ABAT: variants seen among roughly 807,000 people sequenced by gnomAD.
ABAT encodes 4-aminobutyrate aminotransferase.
Under a neutral mutation model 64.6 loss-of-function variants are expected in ABAT, and 45 were observed. That is an observed-to-expected ratio of 0.70 (90% CI 0.55 to 0.89). The LOEUF (loss-of-function observed/expected upper bound fraction) is 0.89. Among genes scored for constraint, ABAT ranks in the 40% least tolerant of loss-of-function variants. The pLI, the probability that ABAT is intolerant of heterozygous loss-of-function variation, is 0.00. For synonymous variants in ABAT, 297 were observed against 250.5 expected (o/e 1.19, Z -1.75); for missense variants, 633 against 658.4 (o/e 0.96, Z 0.42).
At chr16:8,753,376 T>C (rs1441423265) in intron 5 of ABAT, among the ~76,000 whole-genome samples, 1 of 152,188 alleles carries the variant, frequency 6.6e-6, no homozygotes, top group Non-Finnish European at 1.5e-5. Flanking sequence ...AATACAGGCG[T>C]GAGCCACCGC....
chr16:8,769,658 G>A (rs773646012), intron 11 of ABAT, among the ~76,000 whole-genome samples: 1 of 150,832 alleles, frequency 6.6e-6, no homozygotes, highest in African/African-American at 2.4e-5. Flanking sequence ...CACTGGTTTT[G>A]TCTTCTCCTG....
intron 5 of ABAT, among the ~76,000 whole-genome samples, chr16:8,753,088 T>A (rs2059538508): frequency 6.7e-6 from 1 of 149,310 alleles, no homozygotes; most frequent in African/African-American, 2.4e-5. Flanking sequence ...CTCCCAAGCT[T>A]ATTCTTTTTT....
intron 6 of ABAT, among the ~76,000 whole-genome samples, chr16:8,762,278 A>G (rs1313390674): frequency 6.6e-6 from 1 of 152,258 alleles, no homozygotes; most frequent in Admixed American, 6.5e-5. Context: ...CACATAGCAC[A>G]GCAGGCCTGA....
chr16:8,769,549 A>T (rs2060042053), intron 11 of ABAT, among the ~76,000 whole-genome samples: 1 of 131,906 alleles, frequency 7.6e-6, no homozygotes, highest in African/African-American at 3.0e-5. Context: ...ACGGAGTGAG[A>T]CTCTGTCCAA....
rs141279192 is a variant in ABAT at position 8,766,228 on chromosome 16, G to C, written c.561G>C (p.Arg187Ser). 6.9e-5 allele frequency: 112 copies of C among 1,613,976 alleles called. No homozygotes were observed. Among genetic ancestry groups the C allele is most frequent in the Middle Eastern group, 1.6e-4 (1 of 6,084 alleles). ...MWYRSKERGQ[R>S]GFSQEELETC... The stretch of plus-strand genomic sequence containing the variant: ...TTCAGAGCAAGGAAAGAGGGCAGAG[G>C]GGCTTCTCCCAGGAGGAGCTGGAGA... Residue 187 changes from arginine to serine, a missense_variant, in exon 9 of 16, where the codon AGG (arginine) becomes AGC (serine). By Grantham distance (110) the Arg-to-Ser change is moderately radical. Transcript: ENST00000268251.
intron 8 of ABAT, 196 bp from the exon 9 acceptor site, chr16:8,766,012 G>A (rs1450709501): frequency 1.0e-5 from 6 of 587,454 alleles, no homozygotes; most frequent in Non-Finnish European, 1.9e-5. Context: ...AATGCATTAT[G>A]TGTGTTAGTT....
chr16:8,711,393 C>T (rs2058066020), intron 1 of ABAT, among the ~76,000 whole-genome samples: 1 of 152,018 alleles, frequency 6.6e-6, no homozygotes. Context: ...CCCAGAGCTA[C>T]CGTGGAAGTC....
intron 1 of ABAT, among the ~76,000 whole-genome samples, chr16:8,729,646 CCT>C (rs2058660944): frequency 6.6e-6 from 1 of 151,776 alleles, no homozygotes; most frequent in African/African-American, 2.4e-5. Flanking sequence ...CAGCGAGACC[CCT>C]GTCTCTAAAA....
chr16:8,743,140 A>G (rs2059214101), intron 2 of ABAT, among the ~76,000 whole-genome samples: 1 of 151,442 alleles, frequency 6.6e-6, no homozygotes, highest in African/African-American at 2.4e-5. Context: ...ATCCTTATAT[A>G]AGTATAGTGC....
At chr16:8,682,415 C>T (rs1188916064) in intron 1 of ABAT, among the ~76,000 whole-genome samples, 1 of 152,164 alleles carries the variant, frequency 6.6e-6, no homozygotes, top group Non-Finnish European at 1.5e-5. Flanking sequence ...TTCTTCCAAC[C>T]AGAGTAGCCT....
chr16:8,781,438 A>G lies in ABAT; in HGVS notation c.*8A>G. 6.2e-7 allele frequency: 1 copy of G among 1,614,176 alleles called. No individual in the cohort carries two copies. The highest frequency in any genetic ancestry group is 8.5e-7 in the Non-Finnish European group (1 of 1,180,032). ...TTAGCAGACTTCAAGTAAAGAAGCC[A>G]TTTCCACTACAGTGAGAAAGCCCGG... On this transcript the variant is annotated 3_prime_UTR_variant, in exon 16 of 16. Coordinates refer to ENST00000268251, the MANE Select transcript of ABAT (RefSeq NM_020686.6). The surrounding 1 kb of genome is among the most constrained non-coding windows in gnomAD (Gnocchi z 4.5).
rs190542077 is a variant in ABAT, at chr16:8,780,014, C to G, written c.1381+424C>G. Among the ~76,000 whole-genome samples, 21 of 152,302 alleles carry G rather than the reference C, an allele frequency of 1.4e-4. No individual in the cohort carries two copies. The East Asian group carries it at 2.9e-3, about 21-fold the overall frequency. On this transcript the variant is annotated intron_variant, in intron 15 of 15. Coordinates refer to ENST00000268251, the MANE Select transcript of ABAT (RefSeq NM_020686.6). ...AGTTGGTGAGGGTAGGAAATCAGGG[C>G]AGGCTCCCTTGAGGAAGTAGCATTT...
At chr16:8,697,877 T>C (rs2057738471) in intron 1 of ABAT, among the ~76,000 whole-genome samples, 1 of 152,172 alleles carries the variant, frequency 6.6e-6, no homozygotes, top group Non-Finnish European at 1.5e-5. Flanking sequence ...CCTCAAGTGA[T>C]CCACCTGCGT....
At position 8,776,373 on chromosome 16, in the gene ABAT, G is replaced by A. The variant is rs148455880; in HGVS notation, c.1152G>A (p.Gly384=). The A allele has an allele frequency of 1.2e-6, 2 of 1,614,088 alleles. No homozygotes were observed. Among genetic ancestry groups the A allele is most frequent in the Non-Finnish European group, 1.7e-6 (2 of 1,180,050 alleles). ...APYRIFNTWL[G]DPSKNLLLAE... ...ACCGGATCTTCAACACCTGGCTGGG[G>A]GACCCGTCCAAGAACCTGTTGCTGG... Residue 384 remains glycine, a synonymous_variant, in exon 14 of 16, where the codon GGG becomes GGA. Coordinates refer to ENST00000268251, the MANE Select transcript of ABAT (RefSeq NM_020686.6). The surrounding 1 kb of genome is among the most constrained non-coding windows in gnomAD (Gnocchi z 4.4).
At chr16:8,682,184 G>GACACACACAC (rs1210693818) in intron 1 of ABAT, among the ~76,000 whole-genome samples, 1 of 87,680 alleles carries the variant, frequency 1.1e-5, no homozygotes, top group African/African-American at 4.2e-5. Context: ...TGCCTAACAG[G>GACACACACAC]ATACACACAC....
chr16:8,776,385 G>A lies in ABAT; in HGVS notation c.1164G>A (p.Lys388=). 3 of 1,614,214 alleles carry A rather than the reference G, an allele frequency of 1.9e-6. 1 individual carries two copies. The highest frequency in any genetic ancestry group is 2.2e-5 in the South Asian group (2 of 91,082). Residue 388 remains lysine (K), a synonymous_variant, in exon 14 of 16, where the codon AAG becomes AAA. Coordinates refer to ENST00000268251, the MANE Select transcript of ABAT (RefSeq NM_020686.6). The surrounding 1 kb of genome is among the most constrained non-coding windows in gnomAD (Gnocchi z 4.4). ...ACACCTGGCTGGGGGACCCGTCCAA[G>A]AACCTGTTGCTGGCTGAGGTCATCA... ...IFNTWLGDPS[K]NLLLAEVINI...
chr16:8,702,392 A>T (rs1027481454), intron 1 of ABAT, among the ~76,000 whole-genome samples: 8 of 152,030 alleles, frequency 5.3e-5, no homozygotes, highest in Non-Finnish European at 1.2e-4. Flanking sequence ...AGCTGGGATT[A>T]TAGGCATGCA....
At chr16:8,743,007 T>TTAAA (rs779325134) in intron 2 of ABAT, among the ~76,000 whole-genome samples, 1 of 124,250 alleles carries the variant, frequency 8.0e-6, no homozygotes, top group South Asian at 2.7e-4. Context: ...CTCATTTCTT[T>TTAAA]AAAAAAAAAA....
chr16:8,777,097 C>T (rs2060288423), intron 14 of ABAT, among the ~76,000 whole-genome samples: 2 of 151,762 alleles, frequency 1.3e-5, no homozygotes. Flanking sequence ...GACAGGGTTT[C>T]ACCATGTTGG....
Sources: allele counts gnomAD v4.1 joint callset (sites outside exome capture counted in the v4.1 genomes callset), GRCh38; gene constraint gnomAD v4.1.1; non-coding constraint Gnocchi (gnomAD v3.1); transcripts MANE v1.5; gene names NCBI Gene and HGNC (gene_info 2026-07-23, HGNC 2026-07-21).